KMT2D: variants seen among roughly 807,000 people sequenced by gnomAD.
KMT2D encodes the protein lysine methyltransferase 2D, also known as histone-lysine N-methyltransferase 2D.
KMT2D carries 55 observed loss-of-function variants against 512.7 expected under a neutral mutation model. The observed-to-expected ratio is 0.11, with a 90% CI of 0.09 to 0.13. The LOEUF (loss-of-function observed/expected upper bound fraction) is 0.13. Ranked by LOEUF, KMT2D falls within the 10% of genes least tolerant of loss-of-function variation. The pLI, the probability that KMT2D is intolerant of heterozygous loss-of-function variation, is 1.00. For missense variants in KMT2D, 6,061 were observed against 7,127.9 expected, an observed-to-expected ratio of 0.85 and a Z score of 5.39; for synonymous variants, 2,995 against 2,904.0, an observed-to-expected ratio of 1.03 and a Z score of -1.01.
In KMT2D at chr12:49,044,364, A is replaced by G. The variant is rs747252570; in HGVS notation, c.5083+39T>C. The G allele has an allele frequency of 6.2e-7, 1 of 1,613,320 alleles. No homozygotes were observed. The highest frequency in any genetic ancestry group is 1.1e-5 in the South Asian group (1 of 91,046). ...TGGGGGACCTATTGAGCTGCCCCGC[A>G]CCACCCCACCACCCCACAACCCCAT... On this transcript the variant is annotated intron_variant, in intron 21 of 54. Coordinates refer to ENST00000301067, the MANE Select transcript of KMT2D (RefSeq NM_003482.4). The surrounding 1 kb of genome is among the most constrained non-coding windows in gnomAD (Gnocchi z 6.4).
Position 49,051,608 on chromosome 12 carries a change from G to A in KMT2D, c.2075C>T (p.Pro692Leu), listed in dbSNP as rs779380825. The A allele has an allele frequency of 6.3e-7, 1 of 1,584,944 alleles. No individual in the cohort carries two copies. Among genetic ancestry groups the A allele is most frequent in the Admixed American group, 1.7e-5 (1 of 58,556 alleles). ...TGGGGATGTGGGGGAGTCCTCAGGT[G>A]GTGGGGAGAGGCGTGAAGCCTCAGG... ...PPPEASRLSP[P>L]PEDSPTSPPP... Residue 692 changes from proline to leucine, a missense_variant, in exon 11 of 55, where the codon CCA becomes CTA. Physicochemically the swap from Pro to Leu is moderately conservative, Grantham distance 98. Coordinates refer to ENST00000301067, the MANE Select transcript of KMT2D (RefSeq NM_003482.4).
In KMT2D at chr12:49,026,608, G is replaced by A. The variant is rs1446154691; in HGVS notation, c.15358C>T (p.Arg5120Cys). Residue 5120 changes from arginine to cysteine, a missense_variant, in exon 49 of 55, where the codon CGT (arginine) becomes TGT (cysteine). Around this residue, in one of 16 missense-constraint regions of KMT2D, gnomAD observed 261 missense variants for 440.7 expected, o/e 0.59. Coordinates refer to ENST00000301067, the MANE Select transcript of KMT2D (RefSeq NM_003482.4). This position sits in a 1 kb window ranked among gnomAD's most constrained non-coding sequence, Gnocchi z 9.6. ...PNVYHFACAI[R>C]AKCMFFKDKT... Reference sequence around the variant, plus strand: ...TCCTTGAAGAACATGCACTTGGCACGGATGGCACAAGCAAAATGGTAGACA... The same window carrying A: ...TCCTTGAAGAACATGCACTTGGCACAGATGGCACAAGCAAAATGGTAGACA... 5.6e-6 allele frequency: 9 copies of A among 1,613,912 alleles called. No individual in the cohort carries two copies. The highest frequency in any genetic ancestry group is 7.6e-6 in the Non-Finnish European group (9 of 1,179,906).
intron 35 of KMT2D, among the ~76,000 whole-genome samples, chr12:49,035,394 G>A (rs904051735): frequency 6.6e-6 from 1 of 152,170 alleles, no homozygotes; most frequent in Non-Finnish European, 1.5e-5. Context: ...AGATTCCAGA[G>A]CTGTTTTGGG....
At position 49,021,667 on chromosome 12, in the gene KMT2D, G is replaced by A. The variant is rs1046342447; in HGVS notation, c.*113C>T. 99 of 900,792 alleles carry A rather than the reference G, an allele frequency of 1.1e-4. No homozygotes were observed. Among genetic ancestry groups the A allele is most frequent in the South Asian group, 1.8e-4 (11 of 60,512 alleles). 55.8% of individuals were successfully genotyped at this position (900,792 alleles called of 1,614,324 possible). A position where few individuals can be genotyped will look rare whatever the true frequency, so the allele number is the denominator to read the frequency against. ...CTGCTCCAGGGGCTCCGGGTCAGCCGGCAGCCCCAACCCTGGGTCCTGGCT... is the reference window on the plus strand; with the variant it reads ...CTGCTCCAGGGGCTCCGGGTCAGCCAGCAGCCCCAACCCTGGGTCCTGGCT... On this transcript the variant is annotated 3_prime_UTR_variant, in exon 55 of 55. Coordinates refer to ENST00000301067, the MANE Select transcript of KMT2D (RefSeq NM_003482.4).
rs1275905996 is a variant in KMT2D, at chr12:49,049,233, G to A, written c.3907-15C>T. On this transcript the variant is annotated splice_polypyrimidine_tract_variant and intron_variant, in intron 12 of 54. Coordinates refer to ENST00000301067, the MANE Select transcript of KMT2D (RefSeq NM_003482.4). ...CTGCTGCGACCCTGAGTGAAAGAAG[G>A]GGACAATGACAGGAGCATGTCAAGG... is the stretch of plus-strand genomic sequence containing the variant. 3.3e-6 allele frequency: 5 copies of A among 1,537,772 alleles called. No individual in the cohort carries two copies. The highest frequency in any genetic ancestry group is 4.5e-6 in the Non-Finnish European group (5 of 1,122,658).
rs2120530872 is a variant in KMT2D, at chr12:49,040,571, G to T, written c.7199C>A (p.Pro2400His). 6.2e-7 allele frequency: 1 copy of T among 1,613,028 alleles called. No homozygotes were observed. The highest frequency in any genetic ancestry group is 8.5e-7 in the Non-Finnish European group (1 of 1,179,274). The change falls in exon 32 of 55, where the codon CCT becomes CAT. Residue 2400 changes from proline to histidine, a missense_variant. By Grantham distance (77) the Pro-to-His change is moderately conservative. Coordinates refer to ENST00000301067, the MANE Select transcript of KMT2D (RefSeq NM_003482.4). Reference protein sequence around the residue: ...PPPESCCALPPRSLPSDPFSR... With the variant: ...PPPESCCALPHRSLPSDPFSR... ...GAAAGGGTCGGAGGGCAGTGAGCGA[G>T]GGGGCAGAGCACAGCAGCTCTCAGG...
chr12:49,052,930 G>C lies in KMT2D; in HGVS notation c.1097C>G (p.Thr366Ser). 3.1e-6 allele frequency: 5 copies of C among 1,613,978 alleles called. No individual in the cohort carries two copies. The highest frequency in any genetic ancestry group is 4.2e-6 in the Non-Finnish European group (5 of 1,179,856). ...QTIRSVAEQH[T>S]PVCSRFSPPE... ...CACCACTTACCTGCTACACACCGGG[G>C]TATGCTGCTCAGCAACGGAGCGGAT... Residue 366 changes from threonine to serine, a missense_variant, in exon 9 of 55, where the codon ACC becomes AGC. Physicochemically the swap from Thr to Ser is moderately conservative, Grantham distance 58 (BLOSUM62 1). Around this residue, in one of 16 missense-constraint regions of KMT2D, gnomAD observed 848 missense variants for 838.5 expected, o/e 1.01. Coordinates refer to ENST00000301067, the MANE Select transcript of KMT2D (RefSeq NM_003482.4).
chr12:49,034,551 C>T lies in KMT2D; in HGVS notation c.10440+31G>A, dbSNP rs909323886. Reference sequence around the variant, plus strand: ...AGAAGGGTGGCCCAGTGGCATAAGACACAAGTTCCTACTCCCACCTGACCA... The same window carrying T: ...AGAAGGGTGGCCCAGTGGCATAAGATACAAGTTCCTACTCCCACCTGACCA... On this transcript the variant is annotated intron_variant, in intron 37 of 54. Transcript: ENST00000301067. 9 of 1,612,404 alleles carry T rather than the reference C, an allele frequency of 5.6e-6. No homozygotes were observed. The South Asian group carries it at 8.8e-5, about 16-fold the overall frequency.
chr12:49,052,688 G>A lies in KMT2D; in HGVS notation c.1134C>T (p.Gly378=), dbSNP rs376607419. The change falls in exon 10 of 55, where the codon GGC becomes GGT. Residue 378 remains glycine, a synonymous_variant. Coordinates refer to ENST00000301067, the MANE Select transcript of KMT2D (RefSeq NM_003482.4). ...CATCGGGCTCGTCAGTGGGGGTATCGCCAGGCTCTGGGGGTGAAAATCTGC... is the reference window on the plus strand; with the variant it reads ...CATCGGGCTCGTCAGTGGGGGTATCACCAGGCTCTGGGGGTGAAAATCTGC... The part of the protein sequence containing the change: ...VCSRFSPPEP[G]DTPTDEPDAL... The A allele has an allele frequency of 3.0e-5, 48 of 1,613,472 alleles. No individual in the cohort carries two copies. Among genetic ancestry groups the A allele is most frequent in the African/African-American group, 4.0e-5 (3 of 74,862 alleles).
Position 49,021,110 on chromosome 12 carries a change from T to G in KMT2D, c.*670A>C. On this transcript the variant is annotated 3_prime_UTR_variant, in exon 55 of 55. Coordinates refer to ENST00000301067, the MANE Select transcript of KMT2D (RefSeq NM_003482.4). ...ATCCAACACTTAAATGAGGTAGGTGTGGGTGCGGGGTCTCCTTGCCCGGCT... is the reference window on the plus strand; with the variant it reads ...ATCCAACACTTAAATGAGGTAGGTGGGGGTGCGGGGTCTCCTTGCCCGGCT... 5.0e-6 allele frequency: 1 copy of G among 200,300 alleles called. No individual in the cohort carries two copies. Among genetic ancestry groups the G allele is most frequent in the Non-Finnish European group, 1.0e-5 (1 of 96,938 alleles). The allele number at this position is 200,300 out of a possible 1,614,324, so 12.4% of individuals were successfully genotyped here. A position where few individuals can be genotyped will look rare whatever the true frequency, so the allele number is the denominator to read the frequency against.
rs765346311 is a variant in KMT2D, at chr12:49,041,898, A to G, written c.6183+19T>C. The stretch of plus-strand genomic sequence containing the variant: ...TCCCTCTCAGTTCCCACGCTAATCC[A>G]TGCTCCTTTCTGCCTCACCAGGTAG... On this transcript the variant is annotated intron_variant, in intron 30 of 54. Transcript: ENST00000301067. The surrounding 1 kb of genome is among the most constrained non-coding windows in gnomAD (Gnocchi z 5.4). 14 of 1,593,258 alleles carry G rather than the reference A, an allele frequency of 8.8e-6. 1 individual carries two copies. The South Asian group carries it at 1.6e-4, about 18-fold the overall frequency.
At position 49,051,434 on chromosome 12, in the gene KMT2D, G is replaced by A. The variant is rs767181879; in HGVS notation, c.2249C>T (p.Pro750Leu). 1.4e-5 allele frequency: 22 copies of A among 1,611,300 alleles called. No homozygotes were observed. The highest frequency in any genetic ancestry group is 5.5e-5 in the South Asian group (5 of 91,048). ...GPHLSPRPEEPHLSPRPEEPH... is the reference protein window; with the variant it reads ...GPHLSPRPEELHLSPRPEEPH... ...CTCCTCAGGCCGGGGGGACAGGTGC[G>A]GCTCCTCAGGCCGGGGTGACAGGTG... The change falls in exon 11 of 55, where the codon CCG (proline) becomes CTG (leucine). Residue 750 changes from proline to leucine, a missense_variant. Physicochemically the swap from Pro to Leu is moderately conservative, Grantham distance 98. Transcript: ENST00000301067.
rs1943533964 is a variant in KMT2D at position 49,041,591 on chromosome 12, C to A, written c.6235-56G>T. ...AGGCTGCTGCAGGCAGGCCCCATGG[C>A]CCTCCACCCTCAAGAGAGGCCACCC... On this transcript the variant is annotated intron_variant, in intron 31 of 54. Transcript: ENST00000301067. This position sits in a 1 kb window ranked among gnomAD's most constrained non-coding sequence, Gnocchi z 5.4. 1 of 1,612,432 alleles carries A rather than the reference C, an allele frequency of 6.2e-7. No individual in the cohort carries two copies. Among genetic ancestry groups the A allele is most frequent in the South Asian group, 1.1e-5 (1 of 90,906 alleles).
chr12:49,046,623 G>A lies in KMT2D; in HGVS notation c.4404C>T (p.Gly1468=), dbSNP rs771986063. ...AGTCTCCTTACCACTTGCACTTCCA[G>A]CCGCCCTTGGGGACGGTGAGCAGTG... ...DPPLLTVPKG[G]WKCKWCVSCM... The change falls in exon 16 of 55, where the codon GGC becomes GGT. Residue 1468 remains glycine, a synonymous_variant. Coordinates refer to ENST00000301067, the MANE Select transcript of KMT2D (RefSeq NM_003482.4). The surrounding 1 kb of genome is among the most constrained non-coding windows in gnomAD (Gnocchi z 4.2). The A allele has an allele frequency of 2.5e-6, 4 of 1,612,032 alleles. No individual in the cohort carries two copies. Among genetic ancestry groups the A allele is most frequent in the Non-Finnish European group, 3.4e-6 (4 of 1,178,466 alleles).
rs1415507150 is a variant in KMT2D, at chr12:49,044,324, T to C, written c.5084-20A>G. On this transcript the variant is annotated intron_variant, in intron 21 of 54. Coordinates refer to ENST00000301067, the MANE Select transcript of KMT2D (RefSeq NM_003482.4). The surrounding 1 kb of genome is among the most constrained non-coding windows in gnomAD (Gnocchi z 6.4). ...CAATGCCTATGAGGAGGCAGAGTTG[T>C]GGATGAGAAGCCGCTGGGGGACCTA... 1 of 1,613,908 alleles carries C rather than the reference T, an allele frequency of 6.2e-7. No homozygotes were observed. Among genetic ancestry groups the C allele is most frequent in the Non-Finnish European group, 8.5e-7 (1 of 1,179,832 alleles).
In KMT2D at chr12:49,042,836, T is replaced by C. The variant is rs2120560559; in HGVS notation, c.5687A>G (p.Lys1896Arg). 6.2e-7 allele frequency: 1 copy of C among 1,613,972 alleles called. No individual in the cohort carries two copies. The highest frequency in any genetic ancestry group is 8.5e-7 in the Non-Finnish European group (1 of 1,179,860). Residue 1896 changes from lysine (K) to arginine (R), a missense_variant, in exon 27 of 55, where the codon AAG (lysine) becomes AGG (arginine). Transcript: ENST00000301067. This position sits in a 1 kb window ranked among gnomAD's most constrained non-coding sequence, Gnocchi z 4.4. ...MESKDLQQLF[K>R]DVLGSEREQH... The stretch of plus-strand genomic sequence containing the variant: ...TTCTCGTTCAGAGCCCAGAACATCC[T>C]TGAAGAGCTGCTGCAGGTCCTTGGA...
In KMT2D at chr12:49,030,778, G is replaced by A; in HGVS notation, c.13672-10C>T. 6.2e-7 allele frequency: 1 copy of A among 1,613,368 alleles called. No individual in the cohort carries two copies. Among genetic ancestry groups the A allele is most frequent in the Non-Finnish European group, 8.5e-7 (1 of 1,179,706 alleles). Reference sequence around the variant, plus strand: ...GCAGCAGGGACAGCTCCTACAAGGGGCAAGATGACAAAGTTCAAAACCTGC... The same window carrying A: ...GCAGCAGGGACAGCTCCTACAAGGGACAAGATGACAAAGTTCAAAACCTGC... On this transcript the variant is annotated splice_polypyrimidine_tract_variant and intron_variant, in intron 41 of 54. Transcript: ENST00000301067.
chr12:49,048,600 C>T (rs1209390865), intron 14 of KMT2D, 59 bp downstream of exon 14: 1 of 1,142,752 alleles, frequency 8.8e-7, no homozygotes, highest in Non-Finnish European at 1.3e-6. Flanking sequence ...TCCCATCTAT[C>T]CTCTCACCAA....
chr12:49,052,736 C>T (rs1938154190), intron 9 of KMT2D, 27 bp from the exon 10 acceptor site: 1 of 1,607,916 alleles, frequency 6.2e-7, no homozygotes, highest in South Asian at 1.1e-5. Flanking sequence ...GGAGCAGGCA[C>T]TGTGGCTCTC....
Sources: allele counts gnomAD v4.1 joint callset (sites outside exome capture counted in the v4.1 genomes callset), GRCh38; gene constraint gnomAD v4.1.1; regional missense constraint gnomAD v4.1.1; non-coding constraint Gnocchi (gnomAD v3.1); transcripts MANE v1.5; gene names NCBI Gene and HGNC (gene_info 2026-07-23, HGNC 2026-07-21).